Variants in MARK3 observed in about 807,000 individuals in gnomAD.
MARK3 encodes MAP/microtubule affinity-regulating kinase 3.
A neutral mutation model predicts 90.1 loss-of-function variants in MARK3; 46 were observed. That is an observed-to-expected ratio of 0.51 (90% CI 0.40 to 0.65). The LOEUF (loss-of-function observed/expected upper bound fraction) is 0.65. MARK3 is among the 30% of genes least tolerant of loss of function. The pLI is 0.00. For missense variants in MARK3, 818 were observed against 947.2 expected (o/e 0.86, Z 1.79); for synonymous variants, 321 against 332.6 (o/e 0.97, Z 0.38).
intron 3 of MARK3, among the ~76,000 whole-genome samples, chr14:103,432,880 AAG>A (rs1373525053): frequency 6.6e-6 from 1 of 152,062 alleles, no homozygotes; most frequent in East Asian, 1.9e-4. Flanking sequence ...GCAAAGAACA[AAG>A]AGTGTATTGG....
intron 4 of MARK3, among the ~76,000 whole-genome samples, chr14:103,449,432 GTAATAA>G (rs967203233): frequency 9.2e-5 from 12 of 131,016 alleles, no homozygotes; most frequent in South Asian, 2.2e-4. Context: ...AAAAAAAAAA[GTAATAA>G]TAATAATAAA....
chr14:103,468,550 T>G (rs2093562676), intron 12 of MARK3, among the ~76,000 whole-genome samples: 1 of 151,898 alleles, frequency 6.6e-6, no homozygotes, highest in Non-Finnish European at 1.5e-5. Context: ...GGTCTTCAGC[T>G]CCTGGCCTTA....
intron 7 of MARK3, among the ~76,000 whole-genome samples, chr14:103,464,893 C>T (rs961279001): frequency 1.3e-5 from 2 of 152,072 alleles, no homozygotes; most frequent in African/African-American, 4.8e-5. Flanking sequence ...GAGAAAGGGT[C>T]TCACTATGTT....
chr14:103,436,375 A>G (rs1022311435), intron 3 of MARK3, among the ~76,000 whole-genome samples: 3 of 149,368 alleles, frequency 2.0e-5, no homozygotes, highest in Non-Finnish European at 4.4e-5. Context: ...AATCCTTTTC[A>G]TTGAACAACT....
At chr14:103,395,469 A>C (rs1200505651) in intron 1 of MARK3, among the ~76,000 whole-genome samples, 1 of 151,840 alleles carries the variant, frequency 6.6e-6, no homozygotes, top group Non-Finnish European at 1.5e-5. Context: ...AGTCACTTTC[A>C]TCTCTGTCAG....
intron 3 of MARK3, among the ~76,000 whole-genome samples, chr14:103,443,764 T>A (rs1341550439): frequency 6.6e-6 from 1 of 151,796 alleles, no homozygotes; most frequent in South Asian, 2.1e-4. Flanking sequence ...AAGAAGCAAA[T>A]TTTTTTTTCC....
chr14:103,418,722 A>G (rs2092069024), intron 2 of MARK3, among the ~76,000 whole-genome samples: 1 of 152,202 alleles, frequency 6.6e-6, no homozygotes, highest in African/African-American at 2.4e-5. Context: ...TATGTTAACA[A>G]CTTTACAGAA....
At chr14:103,470,872 A>G (rs2093615209) in intron 12 of MARK3, among the ~76,000 whole-genome samples, 1 of 152,228 alleles carries the variant, frequency 6.6e-6, no homozygotes, top group African/African-American at 2.4e-5. Context: ...TGTACTAAAA[A>G]TGATTACACT....
At chr14:103,502,845 G>A in intron 17 of MARK3, 37 bp from the exon 18 acceptor site, 2 of 1,541,556 alleles carry the variant, frequency 1.3e-6, no homozygotes, top group Non-Finnish European at 1.8e-6. Flanking sequence ...TGATTTTCCT[G>A]TACGATTAAA....
chr14:103,500,238 T>G, intron 17 of MARK3, 38 bp downstream of exon 17: 4 of 1,493,834 alleles, frequency 2.7e-6, no homozygotes, highest in Middle Eastern at 1.7e-4. Flanking sequence ...TTTTTTCAGG[T>G]GTTTACTTCA....
At chr14:103,493,970 A>G (rs1168509829) in intron 15 of MARK3, among the ~76,000 whole-genome samples, 1 of 151,432 alleles carries the variant, frequency 6.6e-6, no homozygotes, top group African/African-American at 2.4e-5. Context: ...CGGATGGCTC[A>G]TGCCTGTAAT....
Position 103,491,954 on chromosome 14 carries a change from T to A in MARK3, c.1764T>A (p.His588Gln). The change falls in exon 15 of 18, where the codon CAT becomes CAA. Residue 588 changes from histidine (H) to glutamine (Q), a missense_variant. His to Gln is a conservative substitution (Grantham distance 24, BLOSUM62 0). Coordinates refer to ENST00000429436, the MANE Select transcript of MARK3 (RefSeq NM_001128918.3). ...NGPPASPSLSHEATPLSQTRS... is the reference protein window; with the variant it reads ...NGPPASPSLSQEATPLSQTRS... ...CTCCTGCCTCTCCCAGCCTGTCCCA[T>A]GAAGCCACACCATTGTCCCAGACTC... 6.2e-7 allele frequency: 1 copy of A among 1,614,142 alleles called. No individual in the cohort carries two copies. The highest frequency in any genetic ancestry group is 8.5e-7 in the Non-Finnish European group (1 of 1,180,030).
rs189949664 is a variant in MARK3, at chr14:103,421,526, G to A, written c.244-6861G>A. Among the ~76,000 whole-genome samples, 6 of 152,254 alleles carry A rather than the reference G, an allele frequency of 3.9e-5. No individual in the cohort carries two copies. In the East Asian group the frequency reaches 1.2e-3, roughly 29 times the overall value. On this transcript the variant is annotated intron_variant, in intron 2 of 17. Coordinates refer to ENST00000429436, the MANE Select transcript of MARK3 (RefSeq NM_001128918.3). ...GAAAGCTGAGAGCTCCCAGTAAAGG[G>A]GTGACGAGTGCCTGGCTTAGCCTCA...
chr14:103,458,172 C>T (rs140648395), intron 6 of MARK3, among the ~76,000 whole-genome samples: 12 of 152,226 alleles, frequency 7.9e-5, no homozygotes, highest in South Asian at 6.2e-4. Context: ...TAGAAGCAGT[C>T]GTAGGCTGGG....
At chr14:103,407,614 G>A (rs533887440) in intron 2 of MARK3, among the ~76,000 whole-genome samples, 358 of 138,728 alleles carry the variant, frequency 2.6e-3, no homozygotes, top group Non-Finnish European at 4.5e-3. Flanking sequence ...AGGCTGGAGT[G>A]CAGTGGTGTG....
In MARK3 at chr14:103,468,159, C is replaced by A; in HGVS notation, c.1237C>A (p.Gln413Lys). The A allele has an allele frequency of 6.2e-7, 1 of 1,613,858 alleles. No homozygotes were observed. The highest frequency in any genetic ancestry group is 1.1e-5 in the South Asian group (1 of 91,070). ...AGTGCAGAGAAGTGTTTCTTCAAGC[C>A]AAAAGCAAAGACGCTACAGTGACCA... ...HKVQRSVSSS[Q>K]KQRRYSDHAG... Residue 413 changes from glutamine to lysine, a missense_variant, in exon 12 of 18, where the codon CAA becomes AAA. This residue lies in a region of MARK3 where 560 missense variants were observed against 613.5 expected (regional missense o/e 0.91). Coordinates refer to ENST00000429436, the MANE Select transcript of MARK3 (RefSeq NM_001128918.3).
intron 1 of MARK3, among the ~76,000 whole-genome samples, chr14:103,397,800 C>T (rs956992833): frequency 2.6e-5 from 4 of 152,096 alleles, no homozygotes; most frequent in Admixed American, 2.6e-4. Flanking sequence ...ACAGTTCCCC[C>T]TTCCTATTCA....
At chr14:103,414,850 A>G (rs557715236) in intron 2 of MARK3, among the ~76,000 whole-genome samples, 1 of 152,236 alleles carries the variant, frequency 6.6e-6, no homozygotes, top group Admixed American at 6.5e-5. Context: ...ATACTCACGA[A>G]GGCCGGGCAT....
chr14:103,487,793 A>G (rs2093955079), intron 14 of MARK3, among the ~76,000 whole-genome samples: 2 of 152,310 alleles, frequency 1.3e-5, no homozygotes, highest in South Asian at 4.1e-4. Flanking sequence ...TCACACCTGT[A>G]ATCCCAGCAC....
Sources: gnomAD v4.1 joint callset for allele counts (sites outside exome capture counted in the v4.1 genomes callset) on GRCh38, gnomAD v4.1.1 for gene constraint, gnomAD v4.1.1 regional missense constraint, MANE v1.5 for transcripts, NCBI Gene and HGNC (gene_info 2026-07-23, HGNC 2026-07-21) for gene names.